Variants in TPD52L1 observed in about 807,000 individuals in gnomAD.
TPD52L1 encodes the protein TPD52 like 1.
TPD52L1 carries 18 observed loss-of-function variants against 28.7 expected under a neutral mutation model. The observed-to-expected ratio is 0.63, with a 90% CI of 0.43 to 0.93. TPD52L1 has a LOEUF of 0.93. Among genes scored for constraint, TPD52L1 ranks in the 40% least tolerant of loss-of-function variants. The pLI is 0.00. For missense variants in TPD52L1, 203 were observed against 254.8 expected (o/e 0.80, Z 1.39); for synonymous variants, 75 against 88.8 (o/e 0.84, Z 0.88).
At chr6:125,256,017 G>A (rs1002432900) in intron 5 of TPD52L1, among the ~76,000 whole-genome samples, 3 of 152,106 alleles carry the variant, frequency 2.0e-5, no homozygotes, top group Non-Finnish European at 4.4e-5. Context: ...ACAAAATTAT[G>A]TATAGATTAT....
intron 6 of TPD52L1, among the ~76,000 whole-genome samples, chr6:125,259,233 A>T (rs370421051): frequency 6.8e-4 from 104 of 152,236 alleles, no homozygotes; most frequent in African/African-American, 2.3e-3. Context: ...TTTCAATTTG[A>T]TTTTTGAAAA....
intron 2 of TPD52L1, among the ~76,000 whole-genome samples, chr6:125,220,592 A>G (rs981508258): frequency 2.0e-5 from 3 of 152,216 alleles, no homozygotes; most frequent in African/African-American, 7.2e-5. Flanking sequence ...TTAGCTCAAC[A>G]ATTACTTTGA....
At chr6:125,171,290 G>A (rs73771247) in intron 1 of TPD52L1, among the ~76,000 whole-genome samples, 9,493 of 152,194 alleles carry the variant, frequency 0.062, 580 homozygotes, top group East Asian at 0.33. Flanking sequence ...CCACATACAT[G>A]TGCATAAGGC....
chr6:125,201,003 G>A (rs942896343), intron 1 of TPD52L1, among the ~76,000 whole-genome samples: 2 of 152,180 alleles, frequency 1.3e-5, no homozygotes, highest in African/African-American at 4.8e-5. Context: ...TTGGCACATT[G>A]TTACAGCAAT....
chr6:125,240,434 A>G (rs1172233587), intron 3 of TPD52L1, among the ~76,000 whole-genome samples: 1 of 152,166 alleles, frequency 6.6e-6, no homozygotes, highest in Non-Finnish European at 1.5e-5. Flanking sequence ...CATTTTTACA[A>G]TACTGATTCT....
chr6:125,253,115 A>T (rs1366093487), intron 4 of TPD52L1: 3 of 152,400 alleles, frequency 2.0e-5, no homozygotes, highest in Non-Finnish European at 4.4e-5. Flanking sequence ...TAAAATTCTC[A>T]GGAATGTTTG....
chr6:125,163,136 G>A (rs1790631813), intron 1 of TPD52L1, among the ~76,000 whole-genome samples: 1 of 152,194 alleles, frequency 6.6e-6, no homozygotes, highest in Non-Finnish European at 1.5e-5. Flanking sequence ...AGTCGTTCCT[G>A]TGGGTTAACA....
In TPD52L1 at chr6:125,210,570, T is replaced by G. The variant is rs567448499; in HGVS notation, c.20-9508T>G. 1.5e-4 allele frequency among the ~76,000 whole-genome samples: 17 copies of G among 111,810 alleles called. No homozygotes were observed. The South Asian group carries it at 4.6e-3, about 30-fold the overall frequency. The allele number at this position is 111,810 out of a possible 152,430, so 73.4% of individuals were successfully genotyped here. On this transcript the variant is annotated intron_variant, in intron 1 of 6. Coordinates refer to ENST00000534000, the MANE Select transcript of TPD52L1 (RefSeq NM_003287.4). The stretch of plus-strand genomic sequence containing the variant: ...TTTTGTATGTAATTACAGACTGCCA[T>G]GTACTGGTGTATATGCATGTAAGGT...
chr6:125,252,018 G>A (rs769747474), intron 4 of TPD52L1: 4 of 1,536,092 alleles, frequency 2.6e-6, no homozygotes, highest in South Asian at 1.2e-5. Context: ...CTTCCGGGCT[G>A]CAGGTCTCAC....
At chr6:125,237,511 G>A (rs1389127404) in intron 3 of TPD52L1, among the ~76,000 whole-genome samples, 2 of 152,122 alleles carry the variant, frequency 1.3e-5, no homozygotes, top group African/African-American at 4.8e-5. Context: ...TCAATAGATT[G>A]TTCTATTTTC....
At chr6:125,234,844 G>A (rs1476613149) in intron 3 of TPD52L1, among the ~76,000 whole-genome samples, 1 of 152,000 alleles carries the variant, frequency 6.6e-6, no homozygotes, top group Non-Finnish European at 1.5e-5. Context: ...TATAATCCTA[G>A]CCCTTCAGGA....
At chr6:125,162,585 T>C (rs1022818674) in intron 1 of TPD52L1, among the ~76,000 whole-genome samples, 2 of 152,202 alleles carry the variant, frequency 1.3e-5, no homozygotes, top group Admixed American at 6.5e-5. Flanking sequence ...GAAAAGGGCA[T>C]AGTGATTAAG....
At chr6:125,174,789 G>A (rs1433430397) in intron 1 of TPD52L1, among the ~76,000 whole-genome samples, 1 of 152,152 alleles carries the variant, frequency 6.6e-6, no homozygotes, top group African/African-American at 2.4e-5. Flanking sequence ...GGTCTCTTGT[G>A]GCTTGGATGT....
intron 4 of TPD52L1, chr6:125,248,625 A>G (rs1797064634): frequency 4.2e-6 from 2 of 478,668 alleles, no homozygotes; most frequent in African/African-American, 3.9e-5. Context: ...CCGACCTGGT[A>G]AAAATAGAAG....
chr6:125,156,368 G>A (rs764617938), intron 1 of TPD52L1, among the ~76,000 whole-genome samples: 5 of 151,182 alleles, frequency 3.3e-5, no homozygotes, highest in Non-Finnish European at 7.4e-5. Context: ...TGGAAGGCTG[G>A]AGTGGGAGGA....
intron 3 of TPD52L1, among the ~76,000 whole-genome samples, chr6:125,240,742 T>C (rs940886107): frequency 6.6e-6 from 1 of 152,092 alleles, no homozygotes; most frequent in African/African-American, 2.4e-5. Context: ...TTTTAGGGTT[T>C]TCTAGGTATG....
chr6:125,177,159 C>T (rs1321246658), intron 1 of TPD52L1, among the ~76,000 whole-genome samples: 1 of 152,202 alleles, frequency 6.6e-6, no homozygotes, highest in Non-Finnish European at 1.5e-5. Context: ...TGGTGAAGTC[C>T]ACTCTTGATC....
intron 1 of TPD52L1, among the ~76,000 whole-genome samples, chr6:125,159,062 GT>G (rs1417498425): frequency 2.6e-5 from 4 of 152,338 alleles, no homozygotes; most frequent in Non-Finnish European, 5.9e-5. Context: ...CCGAATGGTG[GT>G]TGCCGAAGGC....
intron 1 of TPD52L1, among the ~76,000 whole-genome samples, chr6:125,171,711 C>G (rs1251186368): frequency 6.6e-6 from 1 of 152,104 alleles, no homozygotes; most frequent in Non-Finnish European, 1.5e-5. Context: ...TCTGGTCCAG[C>G]CTCTAGATGA....
Sources: gnomAD v4.1 joint callset for allele counts (sites outside exome capture counted in the v4.1 genomes callset) on GRCh38, gnomAD v4.1.1 for gene constraint, MANE v1.5 for transcripts, NCBI Gene and HGNC (gene_info 2026-07-23, HGNC 2026-07-21) for gene names.